The following PTPRG variants were observed in gnomAD, a reference collection of about 807,000 sequenced individuals.
PTPRG encodes receptor-type tyrosine-protein phosphatase gamma.
PTPRG carries 102 observed loss-of-function variants against 165.3 expected under a neutral mutation model. The observed-to-expected ratio is 0.62, with a 90% CI of 0.53 to 0.73. PTPRG has a LOEUF of 0.73. Among genes scored for constraint, PTPRG ranks in the 30% least tolerant of loss-of-function variants. The pLI, the probability that PTPRG is intolerant of heterozygous loss-of-function variation, is 0.00. For synonymous variants in PTPRG, 675 were observed against 669.5 expected (o/e 1.01, Z -0.13); for missense variants, 1,866 against 1,861.4 (o/e 1.00, Z -0.05).
intron 2 of PTPRG, among the ~76,000 whole-genome samples, chr3:61,904,320 T>A (rs931112779): frequency 1.1e-4 from 16 of 151,962 alleles, no homozygotes; most frequent in African/African-American, 3.6e-4. Flanking sequence ...TCTGAAAAAA[T>A]TTTGTGCCAA....
At chr3:62,083,132 A>G (rs549324462) in intron 5 of PTPRG, among the ~76,000 whole-genome samples, 18 of 152,356 alleles carry the variant, frequency 1.2e-4, no homozygotes, top group African/African-American at 4.3e-4. Flanking sequence ...TAAAATAATT[A>G]TTTTTTATTT....
chr3:62,128,096 A>T (rs1165382593), intron 5 of PTPRG, among the ~76,000 whole-genome samples: 1 of 152,198 alleles, frequency 6.6e-6, no homozygotes, highest in African/African-American at 2.4e-5. Flanking sequence ...GACAACTGAA[A>T]AGCTTTAATT....
At chr3:61,737,889 G>T (rs1173236123) in intron 1 of PTPRG, among the ~76,000 whole-genome samples, 2 of 149,004 alleles carry the variant, frequency 1.3e-5, no homozygotes, top group Non-Finnish European at 3.0e-5. Flanking sequence ...TTTGCTAGAG[G>T]TTGTGGATAT....
intron 1 of PTPRG, among the ~76,000 whole-genome samples, chr3:61,565,880 G>A (rs1699901380): frequency 6.6e-6 from 1 of 151,882 alleles, no homozygotes; most frequent in Non-Finnish European, 1.5e-5. Context: ...TTAGGAAAAG[G>A]CAAAAGTAAT....
chr3:61,742,501 G>A (rs200803824), intron 1 of PTPRG: 2 of 1,594,778 alleles, frequency 1.3e-6, no homozygotes, highest in Non-Finnish European at 1.7e-6. Flanking sequence ...GATATATAAG[G>A]CCCGGACATT....
intron 2 of PTPRG, among the ~76,000 whole-genome samples, chr3:61,859,119 CA>C: frequency 6.6e-6 from 1 of 152,124 alleles, no homozygotes; most frequent in Middle Eastern, 3.4e-3. Flanking sequence ...TGGAGACTCT[CA>C]AAAGGAATGA....
intron 2 of PTPRG, among the ~76,000 whole-genome samples, chr3:61,907,128 C>A (rs1016118125): frequency 1.3e-5 from 2 of 151,824 alleles, no homozygotes; most frequent in Non-Finnish European, 2.9e-5. Context: ...CTTCTCTTCC[C>A]CAACTTCCCC....
intron 21 of PTPRG, among the ~76,000 whole-genome samples, chr3:62,272,325 C>A (rs1702093644): frequency 6.6e-6 from 1 of 152,114 alleles, no homozygotes. Flanking sequence ...ATATAAAATA[C>A]CTTTTCAAAA....
chr3:61,836,752 T>C (rs200778253), intron 2 of PTPRG, among the ~76,000 whole-genome samples: 1 of 146,826 alleles, frequency 6.8e-6, no homozygotes, highest in Non-Finnish European at 1.5e-5. Flanking sequence ...TGTTTTTTTA[T>C]TTGTTTTTTT....
rs1041870221 is a variant in PTPRG, at chr3:62,217,353, G to A, written c.2156-1498G>A. On this transcript the variant is annotated intron_variant, in intron 12 of 29. Transcript: ENST00000474889. This position sits in a 1 kb window ranked among gnomAD's most constrained non-coding sequence, Gnocchi z 4.3. ...GTCACAGGCCTGTGCCTGAAACAAAGGAGGTGGTCAACATCAAATGCATTA... is the reference window on the plus strand; with the variant it reads ...GTCACAGGCCTGTGCCTGAAACAAAAGAGGTGGTCAACATCAAATGCATTA... 6.6e-6 allele frequency among the ~76,000 whole-genome samples: 1 copy of A among 152,194 alleles called. No individual in the cohort carries two copies. The highest frequency in any genetic ancestry group is 2.4e-5 in the African/African-American group (1 of 41,456).
chr3:61,950,638 A>G lies in PTPRG; in HGVS notation c.191-38987A>G, dbSNP rs2039877577. ...GTTGTGTTAGAGGCAGATTACATTTACTTTCTTGCACCTCTGGTAACTGGA... is the reference window on the plus strand; with the variant it reads ...GTTGTGTTAGAGGCAGATTACATTTGCTTTCTTGCACCTCTGGTAACTGGA... On this transcript the variant is annotated intron_variant, in intron 2 of 29. Coordinates refer to ENST00000474889, the MANE Select transcript of PTPRG (RefSeq NM_002841.4). Among the ~76,000 whole-genome samples the G allele has an allele frequency of 2.6e-5, 4 of 152,020 alleles. No homozygotes were observed. In the South Asian group the frequency reaches 8.3e-4, roughly 32 times the overall value.
intron 2 of PTPRG, among the ~76,000 whole-genome samples, chr3:61,812,203 T>TTG (rs36020392): frequency 0.053 from 7,920 of 150,526 alleles, 315 homozygotes; most frequent in East Asian, 0.19. Context: ...CTACAGTTGA[T>TTG]TGTGTGTGTG....
chr3:61,931,218 G>T (rs1417203683), intron 2 of PTPRG, among the ~76,000 whole-genome samples: 2 of 152,192 alleles, frequency 1.3e-5, no homozygotes, highest in Non-Finnish European at 2.9e-5. Flanking sequence ...TTGCATTCTT[G>T]TTCTGTGCTA....
chr3:61,837,406 T>G (rs1202794622), intron 2 of PTPRG, among the ~76,000 whole-genome samples: 1 of 152,136 alleles, frequency 6.6e-6, no homozygotes, highest in Non-Finnish European at 1.5e-5. Flanking sequence ...CAGTAATATC[T>G]CCTAAAATGT....
intron 1 of PTPRG, among the ~76,000 whole-genome samples, chr3:61,634,559 T>C (rs1401082488): frequency 3.3e-5 from 5 of 151,744 alleles, no homozygotes; most frequent in African/African-American, 1.2e-4. Context: ...GTTTTTTTTT[T>C]AAACCATGAA....
chr3:62,062,160 G>A (rs1009616637), intron 4 of PTPRG, among the ~76,000 whole-genome samples: 3 of 152,142 alleles, frequency 2.0e-5, no homozygotes, highest in South Asian at 2.1e-4. Flanking sequence ...TTAGCTGGGC[G>A]TGGTGGCGCG....
At chr3:61,946,960 T>C (rs564700414) in intron 2 of PTPRG, among the ~76,000 whole-genome samples, 3 of 152,042 alleles carry the variant, frequency 2.0e-5, no homozygotes, top group Admixed American at 6.6e-5. Context: ...AAAGGAAGAG[T>C]GTTCTGCTAA....
chr3:62,073,611 C>T (rs1402117119), intron 4 of PTPRG, among the ~76,000 whole-genome samples: 1 of 152,044 alleles, frequency 6.6e-6, no homozygotes, highest in Non-Finnish European at 1.5e-5. Context: ...CCCAAGTAGC[C>T]TCCCAAGTGG....
intron 2 of PTPRG, among the ~76,000 whole-genome samples, chr3:61,766,295 A>C (rs1313585018): frequency 6.6e-6 from 1 of 152,204 alleles, no homozygotes; most frequent in Non-Finnish European, 1.5e-5. Flanking sequence ...TTTTCTCCCC[A>C]AAGAAATGTT....
Sources: allele counts gnomAD v4.1 joint callset (sites outside exome capture counted in the v4.1 genomes callset), GRCh38; gene constraint gnomAD v4.1.1; non-coding constraint Gnocchi (gnomAD v3.1); transcripts MANE v1.5; gene names NCBI Gene and HGNC (gene_info 2026-07-23, HGNC 2026-07-21).